Variants in SERPINE3 observed in about 807,000 individuals in gnomAD.
SERPINE3 encodes serpin E3.
SERPINE3 carries 43 observed loss-of-function variants against 41.7 expected under a neutral mutation model. The observed-to-expected ratio is 1.03, with a 90% CI of 0.81 to 1.33. The LOEUF (loss-of-function observed/expected upper bound fraction) is 1.33. SERPINE3 is among the 40% of genes most tolerant of loss of function. SERPINE3 has a pLI of 0.00. For missense variants in SERPINE3, 440 were observed against 491.7 expected (o/e 0.89, Z 0.99); for synonymous variants, 200 against 192.2 (o/e 1.04, Z -0.34).
intron 7 of SERPINE3, 106 bp from the exon 8 acceptor site, chr13:51,361,172 C>A: frequency 1.4e-6 from 1 of 737,468 alleles, no homozygotes; most frequent in Non-Finnish European, 2.4e-6. Flanking sequence ...CAGTAAGCAG[C>A]ATTGGATACT....
chr13:51,351,686 A>G (rs1955404602), intron 6 of SERPINE3, among the ~76,000 whole-genome samples: 1 of 152,146 alleles, frequency 6.6e-6, no homozygotes, highest in African/African-American at 2.4e-5. Context: ...TTTCGATGCC[A>G]TATTATATTG....
In SERPINE3 at chr13:51,347,250, G is replaced by A. The variant is rs1225133804; in HGVS notation, c.700+16G>A. 1 of 1,610,450 alleles carries A rather than the reference G, an allele frequency of 6.2e-7. No homozygotes were observed. The highest frequency in any genetic ancestry group is 1.3e-5 in the African/African-American group (1 of 74,998). ...GTCAACTACGGTGAGCTCTGCCCCT[G>A]CTGGTTTGTCTAAAGGGAGAGGAAG... On this transcript the variant is annotated intron_variant, in intron 5 of 9. Transcript: ENST00000681248.
In SERPINE3 at chr13:51,341,421, G is replaced by GCTCACA. The variant is rs1164683370; in HGVS notation, c.256+86_256+91dup. The GCTCACA allele has an allele frequency of 6.6e-6, 9 of 1,366,456 alleles. No homozygotes were observed. The Admixed American group carries it at 1.8e-4, about 28-fold the overall frequency. The allele number at this position is 1,366,456 out of a possible 1,614,324, so 84.6% of individuals were successfully genotyped here. A position where few individuals can be genotyped will look rare whatever the true frequency, so the allele number is the denominator to read the frequency against. On this transcript the variant is annotated intron_variant, in intron 3 of 9. Transcript: ENST00000681248. Reference sequence around the variant, plus strand: ...CACACTCTCTCCAGCTCACCCTCCTGCTCACACTCACACTCACTCTCTCCA... The same window carrying GCTCACA: ...CACACTCTCTCCAGCTCACCCTCCTGCTCACACTCACACTCACACTCACTCTCTCCA...
At chr13:51,352,358 T>C (rs2137796519) in intron 6 of SERPINE3, among the ~76,000 whole-genome samples, 1 of 152,240 alleles carries the variant, frequency 6.6e-6, no homozygotes, top group African/African-American at 2.4e-5. Context: ...ATTTTACTCC[T>C]TTTAATTTTT....
intron 3 of SERPINE3, 60 bp from the exon 4 acceptor site, chr13:51,344,192 T>A: frequency 8.2e-7 from 1 of 1,218,550 alleles, no homozygotes; most frequent in Non-Finnish European, 1.2e-6. Context: ...GTGCTGGAGG[T>A]TGTGCTAACT....
intron 1 of SERPINE3, among the ~76,000 whole-genome samples, chr13:51,340,101 G>A (rs1372730940): frequency 1.3e-5 from 2 of 152,208 alleles, no homozygotes; most frequent in African/African-American, 4.8e-5. Context: ...TTCTACAGGA[G>A]GGTGAGTTGG....
chr13:51,362,020 G>A, intron 9 of SERPINE3, 127 bp downstream of exon 9: 1 of 1,605,734 alleles, frequency 6.2e-7, no homozygotes, highest in Non-Finnish European at 8.5e-7. Context: ...TGCTTCAGAA[G>A]CTACCCAGTT....
chr13:51,347,137 A>T lies in SERPINE3; in HGVS notation c.603A>T (p.Arg201Ser), dbSNP rs1035993887. The T allele has an allele frequency of 6.2e-7, 1 of 1,613,596 alleles. No homozygotes were observed. The highest frequency in any genetic ancestry group is 8.5e-7 in the Non-Finnish European group (1 of 1,179,812). The change falls in exon 5 of 10, where the codon AGA (arginine) becomes AGT (serine). Residue 201 changes from arginine (R) to serine (S), a missense_variant. Physicochemically the swap from Arg to Ser is moderately radical, Grantham distance 110. Coordinates refer to ENST00000681248, the MANE Select transcript of SERPINE3 (RefSeq NM_001386375.1). ...TMSFQGTWRK[R>S]FSSTDTQILP... ...CCTTCCAAGGCACTTGGCGAAAGAG[A>T]TTCTCCTCCACAGACACACAGATCC...
intron 7 of SERPINE3, 142 bp from the exon 8 acceptor site, chr13:51,361,136 A>G: frequency 1.9e-6 from 1 of 537,266 alleles, no homozygotes; most frequent in Non-Finnish European, 3.3e-6. Context: ...ACAAAAACAG[A>G]ATTTTCCACT....
chr13:51,353,653 T>C (rs746103978), intron 6 of SERPINE3, among the ~76,000 whole-genome samples: 1 of 152,210 alleles, frequency 6.6e-6, no homozygotes, highest in Non-Finnish European at 1.5e-5. Context: ...TTTGGAGAAA[T>C]GTCAGCATAC....
chr13:51,340,207 A>G, intron 1 of SERPINE3, among the ~76,000 whole-genome samples: 1 of 152,176 alleles, frequency 6.6e-6, no homozygotes, highest in East Asian at 1.9e-4. Flanking sequence ...TTGGTATGAT[A>G]CCACAGTCAG....
At chr13:51,348,527 T>A in intron 6 of SERPINE3, 116 bp downstream of exon 6, 2 of 764,430 alleles carry the variant, frequency 2.6e-6, no homozygotes, top group Non-Finnish European at 4.2e-6. Flanking sequence ...ATGACTTGTT[T>A]AATATGTATC....
chr13:51,362,657 G>C (rs951071262), intron 9 of SERPINE3: 1 of 152,324 alleles, frequency 6.6e-6, no homozygotes, highest in Non-Finnish European at 1.5e-5. Context: ...AGCAAAGGTG[G>C]ATCTACTTTA....
At chr13:51,342,988 G>A (rs1456216142) in intron 3 of SERPINE3, among the ~76,000 whole-genome samples, 6 of 152,168 alleles carry the variant, frequency 3.9e-5, no homozygotes, top group South Asian at 4.1e-4. Context: ...GACAAGTGAT[G>A]TCTGCCTACT....
intron 6 of SERPINE3, among the ~76,000 whole-genome samples, chr13:51,352,977 T>C (rs562267547): frequency 6.6e-6 from 1 of 152,198 alleles, no homozygotes; most frequent in East Asian, 1.9e-4. Context: ...GAGATTTATA[T>C]GGTATTGGAT....
chr13:51,347,201 C>G lies in SERPINE3; in HGVS notation c.667C>G (p.Pro223Ala). Residue 223 changes from proline (P) to alanine (A), a missense_variant, in exon 5 of 10, where the codon CCC (proline) becomes GCC (alanine). Transcript: ENST00000681248. ...TGCCTATGGCCTCGTCCTTCAGGTC[C>G]CCATGATGCACCAAACGACCGAGGT... ...TCAYGLVLQV[P>A]MMHQTTEVNY... 6.2e-7 allele frequency: 1 copy of G among 1,613,972 alleles called. No homozygotes were observed. Among genetic ancestry groups the G allele is most frequent in the Non-Finnish European group, 8.5e-7 (1 of 1,179,868 alleles).
At chr13:51,362,098 T>C in intron 9 of SERPINE3, 1 of 1,500,900 alleles carries the variant, frequency 6.7e-7, no homozygotes, top group South Asian at 1.4e-5. Context: ...CCATGTTTTT[T>C]ACCTTCTCAT....
chr13:51,342,076 C>G (rs748132498), intron 3 of SERPINE3, among the ~76,000 whole-genome samples: 1 of 151,422 alleles, frequency 6.6e-6, no homozygotes, highest in Admixed American at 6.6e-5. Flanking sequence ...AGCTCAATGC[C>G]TGGCCTCAGA....
chr13:51,354,939 A>G, intron 6 of SERPINE3, 104 bp from the exon 7 acceptor site: 1 of 647,560 alleles, frequency 1.5e-6, no homozygotes, highest in Non-Finnish European at 2.8e-6. Context: ...AATCTGGTGG[A>G]GCCAGCCTGA....
Sources: allele counts gnomAD v4.1 joint callset (sites outside exome capture counted in the v4.1 genomes callset), GRCh38; gene constraint gnomAD v4.1.1; transcripts MANE v1.5; gene names NCBI Gene and HGNC (gene_info 2026-07-23, HGNC 2026-07-21).